The following TMEM267 variants were observed in gnomAD, a reference collection of about 807,000 sequenced individuals.
TMEM267 encodes transmembrane protein 267.
TMEM267 carries 20 observed loss-of-function variants against 19.3 expected under a neutral mutation model. The ratio of observed to expected loss-of-function variants is 1.04; its 90% CI spans 0.73 to 1.51. The LOEUF is 1.51. Ranked by LOEUF, TMEM267 falls within the 40% of genes most tolerant of loss-of-function variation. The probability of loss-of-function intolerance (pLI) is 0.00; values close to 1 mark genes in which losing one functional copy is unlikely to be tolerated. For synonymous variants in TMEM267, 88 were observed against 90.3 expected, an observed-to-expected ratio of 0.97 and a Z score of 0.15; for missense variants, 242 against 261.9, an observed-to-expected ratio of 0.92 and a Z score of 0.52.
At chr5:43,483,466 T>C (rs919848016) in intron 1 of TMEM267, among the ~76,000 whole-genome samples, 13 of 152,214 alleles carry the variant, frequency 8.5e-5, no homozygotes, top group Non-Finnish European at 1.6e-4. Context: ...AATGGGCTCC[T>C]TCGGCACGAC....
At chr5:43,481,112 T>G (rs1744738985) in intron 1 of TMEM267, among the ~76,000 whole-genome samples, 1 of 139,032 alleles carries the variant, frequency 7.2e-6, no homozygotes, top group African/African-American at 2.6e-5. Flanking sequence ...CTTACTTTTT[T>G]TTTTTTTTTT....
intron 1 of TMEM267, chr5:43,479,837 C>T: frequency 2.4e-6 from 1 of 422,880 alleles, no homozygotes; most frequent in Non-Finnish European, 4.6e-6. Flanking sequence ...TAATGATTTC[C>T]AGGTACTCTC....
intron 1 of TMEM267, among the ~76,000 whole-genome samples, chr5:43,471,472 C>T (rs922212498): frequency 1.3e-5 from 2 of 151,460 alleles, no homozygotes; most frequent in Non-Finnish European, 2.9e-5. Context: ...CACAAAAGGC[C>T]CAGAATACCC....
At chr5:43,461,310 C>T (rs574631189) in intron 1 of TMEM267, among the ~76,000 whole-genome samples, 94 of 152,264 alleles carry the variant, frequency 6.2e-4, no homozygotes, top group African/African-American at 2.0e-3. Flanking sequence ...AAGGGCCTTG[C>T]GTGAGCCTCT....
intron 1 of TMEM267, among the ~76,000 whole-genome samples, chr5:43,473,776 G>A (rs1027411286): frequency 3.9e-5 from 6 of 152,206 alleles, no homozygotes; most frequent in Non-Finnish European, 8.8e-5. Flanking sequence ...ATTTCACATG[G>A]AACCAAAAAA....
At chr5:43,483,247 C>G (rs908185625) in intron 1 of TMEM267, among the ~76,000 whole-genome samples, 17 of 152,162 alleles carry the variant, frequency 1.1e-4, no homozygotes, top group Non-Finnish European at 2.2e-4. Context: ...ATGCCCATTA[C>G]GAATAAAACA....
intron 1 of TMEM267, among the ~76,000 whole-genome samples, chr5:43,462,047 G>T (rs1174942910): frequency 1.3e-5 from 2 of 152,218 alleles, no homozygotes; most frequent in African/African-American, 2.4e-5. Context: ...GGCCACAGGG[G>T]TGCTTGGGTT....
intron 1 of TMEM267, among the ~76,000 whole-genome samples, chr5:43,455,930 C>T (rs1242833444): frequency 1.3e-5 from 2 of 151,482 alleles, no homozygotes; most frequent in Non-Finnish European, 2.9e-5. Flanking sequence ...TTACCTCCCA[C>T]GTTTAAGAAG....
intron 1 of TMEM267, among the ~76,000 whole-genome samples, chr5:43,458,328 C>T (rs1280793199): frequency 6.6e-6 from 1 of 152,180 alleles, no homozygotes; most frequent in Non-Finnish European, 1.5e-5. Flanking sequence ...TCTGCAGCTC[C>T]TGGCCTCAAG....
intron 1 of TMEM267, among the ~76,000 whole-genome samples, chr5:43,464,270 G>C (rs1408584378): frequency 6.6e-6 from 1 of 151,808 alleles, no homozygotes; most frequent in South Asian, 2.1e-4. Flanking sequence ...ACCTCTTCAA[G>C]GAGAACTACA....
chr5:43,468,100 C>A, intron 1 of TMEM267, among the ~76,000 whole-genome samples: 1 of 147,064 alleles, frequency 6.8e-6, no homozygotes, highest in South Asian at 2.1e-4. Flanking sequence ...GATTAACTTT[C>A]ATACCTTGGT....
chr5:43,456,151 T>C (rs1266297821), intron 1 of TMEM267, among the ~76,000 whole-genome samples: 1 of 152,218 alleles, frequency 6.6e-6, no homozygotes, highest in Non-Finnish European at 1.5e-5. Context: ...AATTAATTTT[T>C]GATAAAGGTG....
intron 1 of TMEM267, among the ~76,000 whole-genome samples, chr5:43,455,428 A>AG (rs1204794339): frequency 6.6e-6 from 1 of 152,150 alleles, no homozygotes; most frequent in Non-Finnish European, 1.5e-5. Flanking sequence ...CTTAAAAAAA[A>AG]AAAAGCTACA....
intron 2 of TMEM267, among the ~76,000 whole-genome samples, chr5:43,453,157 A>G (rs989076659): frequency 3.9e-5 from 6 of 152,214 alleles, no homozygotes; most frequent in Admixed American, 3.9e-4. Context: ...GACTGGGAGA[A>G]TTAATCTGTT....
intron 2 of TMEM267, among the ~76,000 whole-genome samples, chr5:43,447,737 T>A (rs1205279251): frequency 6.6e-6 from 1 of 152,180 alleles, no homozygotes; most frequent in Non-Finnish European, 1.5e-5. Context: ...GTTCTCTCTC[T>A]CACACTTCCA....
chr5:43,468,093 T>G (rs1486057221), intron 1 of TMEM267, among the ~76,000 whole-genome samples: 1 of 142,216 alleles, frequency 7.0e-6, no homozygotes, highest in African/African-American at 2.5e-5. Context: ...GGGGCTTGAT[T>G]AACTTTCATA....
intron 1 of TMEM267, among the ~76,000 whole-genome samples, chr5:43,482,013 C>T (rs1489245648): frequency 2.6e-5 from 4 of 152,026 alleles, no homozygotes; most frequent in African/African-American, 9.7e-5. Flanking sequence ...CGGCTAATTT[C>T]TTGTATTTTT....
Position 43,446,432 on chromosome 5 carries a change from C to G in TMEM267, c.438G>C (p.Trp146Cys). 6.2e-7 allele frequency: 1 copy of G among 1,613,930 alleles called. No individual in the cohort carries two copies. The highest frequency in any genetic ancestry group is 8.5e-7 in the Non-Finnish European group (1 of 1,179,896). ...KLKDSWCFLP[W>C]MLFISWTSHH... ...GTGAAGTCCAGGATATAAATAACATCCAGGGAAGAAAGCACCATGAGTCTT... is the reference window on the plus strand; with the variant it reads ...GTGAAGTCCAGGATATAAATAACATGCAGGGAAGAAAGCACCATGAGTCTT... Residue 146 changes from tryptophan to cysteine, a missense_variant, in exon 3 of 3, where the codon TGG (tryptophan) becomes TGC (cysteine). By Grantham distance (215) the Trp-to-Cys change is radical. Transcript: ENST00000397080.
rs758851091 is a variant in TMEM267, at chr5:43,453,648, T to C, written c.312+10A>G. The C allele has an allele frequency of 1.6e-5, 25 of 1,606,478 alleles. No individual in the cohort carries two copies. The South Asian group carries it at 2.6e-4, about 16-fold the overall frequency. On this transcript the variant is annotated intron_variant, in intron 2 of 2. Transcript: ENST00000397080. ...TTAAAGATCAGAAAAATTAAGCCTA[T>C]GCTTTTTACCTTTAAAGACATGGAT...
Sources: gnomAD v4.1 joint callset for allele counts (sites outside exome capture counted in the v4.1 genomes callset) on GRCh38, gnomAD v4.1.1 for gene constraint, MANE v1.5 for transcripts, NCBI Gene and HGNC (gene_info 2026-07-23, HGNC 2026-07-21) for gene names.